Variants in ECM2 observed in about 807,000 individuals in gnomAD.
ECM2 encodes extracellular matrix protein 2, female organ and adipocyte specific.
In ECM2, 57 loss-of-function variants were observed where a neutral mutation model predicts 67.5. That is an observed-to-expected ratio of 0.84 (90% CI 0.68 to 1.05). The LOEUF (loss-of-function observed/expected upper bound fraction) is 1.05, where lower values mean the gene tolerates loss of function less well. ECM2 is among the 50% of genes least tolerant of loss of function. The pLI is 0.00. For missense variants in ECM2, 741 were observed against 822.8 expected, an observed-to-expected ratio of 0.90 and a Z score of 1.22; for synonymous variants, 258 against 294.5, an observed-to-expected ratio of 0.88 and a Z score of 1.27.
rs1847598554 is a variant in ECM2, at chr9:92,514,899, G to A, written c.786C>T (p.His262=). 3 of 1,613,168 alleles carry A rather than the reference G, an allele frequency of 1.9e-6. No individual in the cohort carries two copies. The highest frequency in any genetic ancestry group is 1.1e-5 in the South Asian group (1 of 90,988). ...QRPGEERRLA[H]QQQRQGREEE... ...CCTCCCTTCCTTGGCGTTGTTGCTGGTGTGCCAGCCTCCTCTCCTCTCCAG... is the reference window on the plus strand; with the variant it reads ...CCTCCCTTCCTTGGCGTTGTTGCTGATGTGCCAGCCTCCTCTCCTCTCCAG... The change falls in exon 4 of 10, where the codon CAC becomes CAT. Residue 262 remains histidine, a synonymous_variant. Coordinates refer to ENST00000344604, the MANE Select transcript of ECM2 (RefSeq NM_001393.4).
rs1215309072 is a variant in ECM2, at chr9:92,510,022, ACTT to A, written c.1180_1182del (p.Lys394del). 6.3e-7 allele frequency: 1 copy of A among 1,597,352 alleles called. No homozygotes were observed. The highest frequency in any genetic ancestry group is 1.9e-5 in the Admixed American group (1 of 54,038). ...TTTCCATCCATATTCAAACGCATTA[ACTT>A]CTTCAGAAGCTTAAAAAGCAAATCT... On this transcript the variant is annotated inframe_deletion, in exon 6 of 10. Transcript: ENST00000344604.
chr9:92,505,460 A>C, intron 7 of ECM2, 73 bp downstream of exon 7: 1 of 1,292,516 alleles, frequency 7.7e-7, no homozygotes, highest in Non-Finnish European at 1.1e-6. Context: ...CAATAGTCTT[A>C]AAATATATTT....
intron 6 of ECM2, among the ~76,000 whole-genome samples, 159 bp from the exon 7 acceptor site, chr9:92,505,849 C>T (rs1203549488): frequency 6.6e-6 from 1 of 152,046 alleles, no homozygotes; most frequent in Non-Finnish European, 1.5e-5. Context: ...TTCTTAAGTA[C>T]TTTGTACATC....
intron 4 of ECM2, among the ~76,000 whole-genome samples, chr9:92,513,812 GA>G (rs61348100): frequency 6.6e-6 from 1 of 152,196 alleles, no homozygotes; most frequent in Non-Finnish European, 1.5e-5. Flanking sequence ...GGGAGTGATA[GA>G]ATGTCCTATA....
At chr9:92,521,750 A>G (rs1264714508) in intron 2 of ECM2, among the ~76,000 whole-genome samples, 2 of 152,212 alleles carry the variant, frequency 1.3e-5, no homozygotes, top group Admixed American at 6.5e-5. Flanking sequence ...TATAAAATCA[A>G]TTCAGTGGCT....
chr9:92,535,398 T>A (rs570617015), intron 1 of ECM2, among the ~76,000 whole-genome samples: 2 of 152,188 alleles, frequency 1.3e-5, no homozygotes, highest in African/African-American at 4.8e-5. Context: ...AATCATAGTA[T>A]CATTTTTATC....
At chr9:92,503,963 C>A (rs914535396) in intron 7 of ECM2, among the ~76,000 whole-genome samples, 2 of 152,130 alleles carry the variant, frequency 1.3e-5, no homozygotes, top group Non-Finnish European at 2.9e-5. Context: ...GTAGTATGTG[C>A]CACGCATTTG....
Position 92,496,018 on chromosome 9 carries a change from T to C in ECM2, c.*297A>G. ...TTCAAGTTGATTATAAAGGCTGTGT[T>C]TATTTTGTTCCAGACTCTTCTGGTC... On this transcript the variant is annotated 3_prime_UTR_variant, in exon 10 of 10. Transcript: ENST00000344604. 1 of 1,008,170 alleles carries C rather than the reference T, an allele frequency of 9.9e-7. No individual in the cohort carries two copies. Among genetic ancestry groups the C allele is most frequent in the Non-Finnish European group, 1.2e-6 (1 of 845,532 alleles). The allele number at this position is 1,008,170 out of a possible 1,614,324, so 62.5% of individuals were successfully genotyped here.
chr9:92,548,144 A>G, the ECM2 span, among the ~76,000 whole-genome samples: 1 of 152,204 alleles, frequency 6.6e-6, no homozygotes, highest in African/African-American at 2.4e-5. Flanking sequence ...TTGCTGCTGC[A>G]TGTGTGTCAC....
the ECM2 span, among the ~76,000 whole-genome samples, chr9:92,551,875 G>A: frequency 6.8e-6 from 1 of 146,458 alleles, no homozygotes; most frequent in African/African-American, 2.5e-5. Context: ...ATACTATGGA[G>A]CCATAAAAAG....
At chr9:92,541,306 CCTGT>C (rs769468847), upstream of ECM2, among the ~76,000 whole-genome samples, 2 of 151,974 alleles carry the variant, frequency 1.3e-5, no homozygotes, top group Non-Finnish European at 1.5e-5. Context: ...ATTTATTCCT[CCTGT>C]CTAACTAAAA....
chr9:92,549,132 C>T, the ECM2 span, among the ~76,000 whole-genome samples: 9 of 152,168 alleles, frequency 5.9e-5, 1 homozygote, highest in African/African-American at 1.9e-4. Flanking sequence ...CAAGGAACTG[C>T]GGAGGGAGAC....
chr9:92,539,922 T>C (rs1223981713), upstream of ECM2, among the ~76,000 whole-genome samples: 2 of 152,196 alleles, frequency 1.3e-5, no homozygotes, highest in African/African-American at 4.8e-5. Context: ...TGTGTACGCA[T>C]TTCCAGGTTG....
chr9:92,537,871 A>C (rs1310589728), upstream of ECM2, among the ~76,000 whole-genome samples: 1 of 152,238 alleles, frequency 6.6e-6, no homozygotes, highest in Non-Finnish European at 1.5e-5. Context: ...TGGGGGTAGA[A>C]AAATTACCCA....
At chr9:92,536,160 T>C, upstream of ECM2, 1 of 378,878 alleles carries the variant, frequency 2.6e-6, no homozygotes, top group Non-Finnish European at 5.0e-6. Context: ...GGAAAATGGT[T>C]ACCAAGGGAA....
At chr9:92,513,561 G>A (rs1369582449) in intron 4 of ECM2, among the ~76,000 whole-genome samples, 2 of 152,170 alleles carry the variant, frequency 1.3e-5, no homozygotes, top group African/African-American at 4.8e-5. Context: ...ACGTTTAACT[G>A]ATAGGAAACC....
intron 3 of ECM2, among the ~76,000 whole-genome samples, chr9:92,516,064 CTTT>C (rs869200958): frequency 6.7e-6 from 1 of 148,754 alleles, no homozygotes; most frequent in Admixed American, 6.7e-5. Flanking sequence ...ACAGTGCATA[CTTT>C]TTTTTCCCCC....
At chr9:92,549,318 A>G in the ECM2 span, among the ~76,000 whole-genome samples, 15 of 152,312 alleles carry the variant, frequency 9.8e-5, no homozygotes, top group Admixed American at 3.9e-4. Flanking sequence ...CTACTTGATG[A>G]GGTTCCAGGG....
intron 1 of ECM2, among the ~76,000 whole-genome samples, chr9:92,523,135 C>T (rs1457349566): frequency 6.6e-6 from 1 of 151,468 alleles, no homozygotes; most frequent in Non-Finnish European, 1.5e-5. Context: ...GGCTGGAGTG[C>T]AGTGGTTCAG....
Sources: gnomAD v4.1 joint callset for allele counts (sites outside exome capture counted in the v4.1 genomes callset) on GRCh38, gnomAD v4.1.1 for gene constraint, MANE v1.5 for transcripts, NCBI Gene and HGNC (gene_info 2026-07-23, HGNC 2026-07-21) for gene names.